Variants in TJP3 observed in about 807,000 individuals in gnomAD.
The protein encoded by TJP3 is tight junction protein 3, also known as tight junction protein ZO-3.
Under a neutral mutation model 104.2 loss-of-function variants are expected in TJP3, and 85 were observed. That is an observed-to-expected ratio of 0.82 (90% CI 0.68 to 0.98). The LOEUF (loss-of-function observed/expected upper bound fraction) is 0.98, where lower values mean the gene tolerates loss of function less well. TJP3 is among the 50% of genes least tolerant of loss of function. The pLI, the probability that TJP3 is intolerant of heterozygous loss-of-function variation, is 0.00. For missense variants in TJP3, 1,367 were observed against 1,322.8 expected (o/e 1.03, Z -0.52); for synonymous variants, 550 against 550.6 (o/e 1.00, Z 0.02).
intron 11 of TJP3, among the ~76,000 whole-genome samples, chr19:3,736,791 G>T (rs1286567774): frequency 6.6e-6 from 1 of 151,780 alleles, no homozygotes; most frequent in Non-Finnish European, 1.5e-5. Flanking sequence ...GGCCAGGCTG[G>T]TCTCAAACTC....
At chr19:3,716,216 G>A (rs1439665014) in intron 1 of TJP3, among the ~76,000 whole-genome samples, 4 of 147,998 alleles carry the variant, frequency 2.7e-5, no homozygotes, top group Non-Finnish European at 6.1e-5. Context: ...GGGATTACAG[G>A]TGCCTGTCAC....
In TJP3 at chr19:3,734,354, C is replaced by G. The variant is rs202057643; in HGVS notation, c.905C>G (p.Ser302Trp). 2.5e-6 allele frequency: 4 copies of G among 1,613,802 alleles called. No homozygotes were observed. In the East Asian group the frequency reaches 6.7e-5, roughly 27 times the overall value. Residue 302 changes from serine (S) to tryptophan (W), a missense_variant, in exon 8 of 21, where the codon TCG (serine) becomes TGG (tryptophan). Ser to Trp is a radical substitution (Grantham distance 177, BLOSUM62 -3). Transcript: ENST00000541714. ...ATCTCGGACCTCGCCTCGGAGCTAT[C>G]GCAGGCACCACCATCCCACATCCCA... ...EDISDLASELSQAPPSHIPPP... is the reference protein window; with the variant it reads ...EDISDLASELWQAPPSHIPPP...
intron 1 of TJP3, among the ~76,000 whole-genome samples, chr19:3,713,297 G>A (rs1427602744): frequency 6.6e-6 from 1 of 152,102 alleles, no homozygotes; most frequent in Non-Finnish European, 1.5e-5. Context: ...TCTCCACACG[G>A]CTTCCTTAAA....
chr19:3,725,920 C>A (rs903565176), intron 1 of TJP3, among the ~76,000 whole-genome samples: 18 of 152,224 alleles, frequency 1.2e-4, no homozygotes, highest in African/African-American at 4.1e-4. Flanking sequence ...TGAGTCCAGT[C>A]CTGAGCGCTG....
intron 1 of TJP3, among the ~76,000 whole-genome samples, chr19:3,713,520 T>TGG (rs2036451069): frequency 6.6e-6 from 1 of 152,166 alleles, no homozygotes; most frequent in Non-Finnish European, 1.5e-5. Context: ...GATGGGGCCC[T>TGG]GGGGCGGCAA....
At chr19:3,724,116 C>A (rs2036572308) in intron 1 of TJP3, among the ~76,000 whole-genome samples, 1 of 151,982 alleles carries the variant, frequency 6.6e-6, no homozygotes, top group African/African-American at 2.4e-5. Context: ...CGAACCCGCA[C>A]AAGCTGGGAC....
chr19:3,721,871 C>A, intron 1 of TJP3: 3 of 1,225,202 alleles, frequency 2.4e-6, no homozygotes, highest in Non-Finnish European at 2.0e-6. Context: ...GGTAGGGGGG[C>A]TGGAGAGCCC....
Position 3,734,307 on chromosome 19 carries a change from G to A in TJP3, c.878-20G>A. The A allele has an allele frequency of 6.2e-7, 1 of 1,612,644 alleles. No homozygotes were observed. The highest frequency in any genetic ancestry group is 8.5e-7 in the Non-Finnish European group (1 of 1,179,350). ...CAGAAGGCGTGACCATGGCTGATGAGATGTCCTCTCCCCCTGCAGACATCT... is the reference window on the plus strand; with the variant it reads ...CAGAAGGCGTGACCATGGCTGATGAAATGTCCTCTCCCCCTGCAGACATCT... On this transcript the variant is annotated intron_variant, in intron 7 of 20. Transcript: ENST00000541714.
At chr19:3,720,901 C>CTTTTTTTTTT (rs370206267) in intron 1 of TJP3, among the ~76,000 whole-genome samples, 2 of 114,324 alleles carry the variant, frequency 1.7e-5, no homozygotes, top group African/African-American at 3.3e-5. Flanking sequence ...CCTTCCTTTT[C>CTTTTTTTTTT]TTTTTTTTTT....
intron 14 of TJP3, among the ~76,000 whole-genome samples, chr19:3,742,790 AC>A (rs1038522217): frequency 3.0e-4 from 45 of 148,420 alleles, no homozygotes; most frequent in African/African-American, 1.1e-3. Flanking sequence ...ACGTGGTGAA[AC>A]CCCGTCTCTA....
At chr19:3,741,047 C>T (rs2036809556) in intron 14 of TJP3, among the ~76,000 whole-genome samples, 1 of 151,994 alleles carries the variant, frequency 6.6e-6, no homozygotes, top group Non-Finnish European at 1.5e-5. Flanking sequence ...CTGTCTTAGG[C>T]TGGAGTGCAA....
At chr19:3,729,933 C>A in intron 3 of TJP3, 95 bp from the exon 4 acceptor site, 3 of 921,602 alleles carry the variant, frequency 3.3e-6, no homozygotes, top group South Asian at 1.3e-5. Context: ...CCTTGTAGAT[C>A]TGGAGGTTCC....
Position 3,746,514 on chromosome 19 carries a change from C to T in TJP3, c.2040C>T (p.Pro680=), listed in dbSNP as rs147572010. The change falls in exon 17 of 21, where the codon CCC becomes CCT. Residue 680 remains proline (P), a synonymous_variant. Transcript: ENST00000541714. The surrounding 1 kb of genome is among the most constrained non-coding windows in gnomAD (Gnocchi z 4.1). ...KDKHALLDVT[P]SAIERLNYVQ... ...AGCATGCGCTCCTGGATGTGACCCC[C>T]TCCGCCATCGAGCGCCTCAACTATG... 1.0e-4 allele frequency: 164 copies of T among 1,614,048 alleles called. No homozygotes were observed. In the African/African-American group the frequency reaches 1.7e-3, roughly 17 times the overall value.
chr19:3,738,520 G>C (rs2036767914), intron 11 of TJP3, 35 bp from the exon 12 acceptor site: 1 of 1,587,812 alleles, frequency 6.3e-7, no homozygotes, highest in Non-Finnish European at 8.6e-7. Context: ...AGAGGTACCA[G>C]AGCTTTTTCT....
rs751978460 is a variant in TJP3, at chr19:3,747,801, G to T, written c.2330G>T (p.Gly777Val). 6.3e-7 allele frequency: 1 copy of T among 1,591,092 alleles called. No individual in the cohort carries two copies. Among genetic ancestry groups the T allele is most frequent in the South Asian group, 1.1e-5 (1 of 89,214 alleles). The change falls in exon 19 of 21, where the codon GGC becomes GTC. Residue 777 changes from glycine to valine, a missense_variant. Coordinates refer to ENST00000541714, the MANE Select transcript of TJP3 (RefSeq NM_001267560.2). ...PIWTAEDQLD[G>V]SLEDNLDLPH... Reference sequence around the variant, plus strand: ...TCCACACCCACCCCACAGCTGGATGGCTCCTTGGAGGACAACCTAGACCTC... The same window carrying T: ...TCCACACCCACCCCACAGCTGGATGTCTCCTTGGAGGACAACCTAGACCTC...
intron 1 of TJP3, 152 bp from the exon 2 acceptor site, chr19:3,728,268 CAAAA>C: frequency 8.2e-7 from 1 of 1,223,586 alleles, no homozygotes; most frequent in Non-Finnish European, 1.1e-6. Flanking sequence ...AAAAAACAAA[CAAAA>C]AAACCTGAGG....
intron 1 of TJP3, among the ~76,000 whole-genome samples, chr19:3,716,193 C>T (rs1235549366): frequency 1.3e-5 from 2 of 148,280 alleles, no homozygotes; most frequent in African/African-American, 4.9e-5. Flanking sequence ...CTGCCTCAGC[C>T]TCCCGAGTAG....
chr19:3,740,225 T>C (rs1051754752), intron 13 of TJP3, among the ~76,000 whole-genome samples: 5 of 151,794 alleles, frequency 3.3e-5, no homozygotes, highest in African/African-American at 9.7e-5. Flanking sequence ...AGCGAGACTC[T>C]ATCTCAAAAA....
intron 6 of TJP3, 43 bp downstream of exon 6, chr19:3,732,081 G>C (rs761514861): frequency 7.7e-6 from 12 of 1,557,032 alleles, no homozygotes; most frequent in Non-Finnish European, 1.1e-5. Flanking sequence ...AGACAAGGCA[G>C]GGTTGGGGCG....
Sources: allele counts gnomAD v4.1 joint callset (sites outside exome capture counted in the v4.1 genomes callset), GRCh38; gene constraint gnomAD v4.1.1; non-coding constraint Gnocchi (gnomAD v3.1); transcripts MANE v1.5; gene names NCBI Gene and HGNC (gene_info 2026-07-23, HGNC 2026-07-21).